Variants in SCEL observed in about 807,000 individuals in gnomAD.
SCEL encodes sciellin.
In SCEL, 113 loss-of-function variants were observed where a neutral mutation model predicts 117.6. The ratio of observed to expected loss-of-function variants is 0.96; its 90% confidence interval spans 0.83 to 1.12. SCEL has a LOEUF of 1.12. Among genes scored for constraint, SCEL ranks in the 50% most tolerant of loss-of-function variants. The pLI, the probability that SCEL is intolerant of heterozygous loss-of-function variation, is 0.00. For missense variants in SCEL, 785 were observed against 810.8 expected (o/e 0.97, Z 0.39); for synonymous variants, 270 against 256.2 (o/e 1.05, Z -0.51).
chr13:77,607,047 T>G (rs1158679692), intron 19 of SCEL, among the ~76,000 whole-genome samples: 4 of 152,162 alleles, frequency 2.6e-5, no homozygotes, highest in Non-Finnish European at 5.9e-5. Flanking sequence ...TTATTTTATT[T>G]TATTTATTTC....
intron 27 of SCEL, among the ~76,000 whole-genome samples, chr13:77,622,160 A>G (rs754481668): frequency 2.0e-5 from 3 of 152,218 alleles, no homozygotes; most frequent in Non-Finnish European, 4.4e-5. Flanking sequence ...CCTGGCGTAA[A>G]AGGAATACCA....
Position 77,608,116 on chromosome 13 carries a change from G to T in SCEL, c.1217+1G>T. On this transcript the variant is annotated splice_donor_variant, in intron 20 of 32. Transcript: ENST00000349847. LOFTEE classifies it high-confidence loss of function. ...CTGAAGTAAAGAGAAGTAACCAAGG[G>T]TGAGGACTATGTCTTACCTCTCTTC... The T allele has an allele frequency of 6.2e-7, 1 of 1,609,786 alleles. No individual in the cohort carries two copies. Among genetic ancestry groups the T allele is most frequent in the Non-Finnish European group, 8.5e-7 (1 of 1,176,578 alleles).
At chr13:77,595,924 A>G (rs2087200068) in intron 12 of SCEL, among the ~76,000 whole-genome samples, 1 of 152,228 alleles carries the variant, frequency 6.6e-6, no homozygotes, top group Admixed American at 6.5e-5. Context: ...TTCTTGCTAT[A>G]GTGTCATCGT....
chr13:77,637,603 C>T (rs1041008179), intron 30 of SCEL, among the ~76,000 whole-genome samples: 1 of 152,034 alleles, frequency 6.6e-6, no homozygotes, highest in Non-Finnish European at 1.5e-5. Flanking sequence ...AAAGACCTTT[C>T]TGTGCCTTAC....
Position 77,612,456 on chromosome 13 carries a change from CTTTTTTTTTTTT to C in SCEL, c.1338-417_1338-406del, listed in dbSNP as rs71102764. On this transcript the variant is annotated intron_variant, in intron 22 of 32. Transcript: ENST00000349847. ...CAGAAAATAACTGCTTTTTTCTTTT[CTTTTTTTTTTTT>C]TTTTTTTTTTTTTTTTTACAAATTA... 1.9e-4 allele frequency among the ~76,000 whole-genome samples: 18 copies of C among 93,600 alleles called. 1 individual carries two copies. Among genetic ancestry groups the C allele is most frequent in the South Asian group, 1.3e-3 (3 of 2,362 alleles). The allele number at this position is 93,600 out of a possible 152,430, so 61.4% of individuals were successfully genotyped here.
intron 27 of SCEL, among the ~76,000 whole-genome samples, chr13:77,624,416 TC>T (rs1833457466): frequency 6.6e-6 from 1 of 152,158 alleles, no homozygotes; most frequent in African/African-American, 2.4e-5. Flanking sequence ...AAAACTGTCT[TC>T]ACTTTATGTC....
intron 1 of SCEL, among the ~76,000 whole-genome samples, chr13:77,536,381 ATCACCATTTC>A (rs2083423813): frequency 6.6e-6 from 1 of 152,128 alleles, no homozygotes; most frequent in Non-Finnish European, 1.5e-5. Flanking sequence ...AAATAAGAAA[ATCACCATTTC>A]TCACTTGAAA....
At chr13:77,564,603 A>G (rs1465859449) in intron 5 of SCEL, among the ~76,000 whole-genome samples, 1 of 152,210 alleles carries the variant, frequency 6.6e-6, no homozygotes, top group Admixed American at 6.5e-5. Context: ...AGCATCTTTA[A>G]TAGGAGTCTT....
chr13:77,566,088 A>T (rs1224747544), intron 5 of SCEL, among the ~76,000 whole-genome samples: 1 of 152,210 alleles, frequency 6.6e-6, no homozygotes. Context: ...TCTCTCCATT[A>T]CCATTGATAG....
chr13:77,642,781 T>C lies in SCEL; in HGVS notation c.2023T>C (p.Cys675Arg), dbSNP rs1411720150. The change falls in exon 32 of 33, where the codon TGT (cysteine) becomes CGT (arginine). Residue 675 changes from cysteine (C) to arginine (R), a missense_variant. Cys to Arg is a radical substitution (Grantham distance 180, BLOSUM62 -3). Transcript: ENST00000349847. ...TTGGATTTATAGACAGACAATACACTGTGAACCTTGCTACTCTAAAATTAT... is the reference window on the plus strand; with the variant it reads ...TTGGATTTATAGACAGACAATACACCGTGAACCTTGCTACTCTAAAATTAT... The part of the protein sequence containing the change: ...SIWIYRQTIH[C>R]EPCYSKIMAK... 1.3e-6 allele frequency: 2 copies of C among 1,599,988 alleles called. No individual in the cohort carries two copies. The highest frequency in any genetic ancestry group is 2.7e-5 in the African/African-American group (2 of 74,538).
At chr13:77,605,936 G>A (rs1480732222) in intron 19 of SCEL, among the ~76,000 whole-genome samples, 1 of 152,126 alleles carries the variant, frequency 6.6e-6, no homozygotes, top group Non-Finnish European at 1.5e-5. Flanking sequence ...GCAGTGAGCC[G>A]AGATGGTGCC....
chr13:77,618,743 C>A (rs9544555), intron 27 of SCEL, among the ~76,000 whole-genome samples: 142,116 of 152,246 alleles, frequency 0.93, 66,390 homozygotes, highest in South Asian at 0.96. Context: ...AAATGAAAGA[C>A]ATGAATACAA....
intron 10 of SCEL, 104 bp downstream of exon 10, chr13:77,589,328 C>T (rs980945510): frequency 5.3e-6 from 4 of 749,084 alleles, no homozygotes; most frequent in Non-Finnish European, 8.8e-6. Context: ...GTTTTGTGTG[C>T]ACATTCCCTA....
chr13:77,612,119 A>G (rs2088680710), intron 22 of SCEL, among the ~76,000 whole-genome samples: 1 of 152,182 alleles, frequency 6.6e-6, no homozygotes, highest in Non-Finnish European at 1.5e-5. Flanking sequence ...AAGATTAGTT[A>G]AAAGTCTTTC....
Position 77,557,631 on chromosome 13 carries a change from G to A in SCEL, c.161+918G>A, listed in dbSNP as rs146972399. On this transcript the variant is annotated intron_variant, in intron 3 of 32. Transcript: ENST00000349847. ...ATGGCCCATTGTTTTTCCATTACAC[G>A]AATGTTTCTCAACCAGGGGCAATTT... 4.4e-3 allele frequency among the ~76,000 whole-genome samples: 663 copies of A among 152,266 alleles called. 2 individuals carry two copies. The highest frequency in any genetic ancestry group is 8.4e-3 in the African/African-American group (348 of 41,530).
chr13:77,628,437 T>C (rs1424936709), intron 28 of SCEL, among the ~76,000 whole-genome samples: 1 of 152,024 alleles, frequency 6.6e-6, no homozygotes, highest in Non-Finnish European at 1.5e-5. Flanking sequence ...GCTAAAAGAA[T>C]GCATGAATTT....
At chr13:77,593,295 T>TGTGTGTGTGCGCGC (rs796907419) in intron 11 of SCEL, among the ~76,000 whole-genome samples, 4,175 of 136,756 alleles carry the variant, frequency 0.031, 116 homozygotes, top group Non-Finnish European at 0.042. Flanking sequence ...TGTGTGTGTG[T>TGTGTGTGTGCGCGC]GTCTGTGTGT....
chr13:77,546,568 A>G (rs2083999387), intron 1 of SCEL, among the ~76,000 whole-genome samples: 1 of 152,154 alleles, frequency 6.6e-6, no homozygotes, highest in East Asian at 1.9e-4. Context: ...TGTTTTGTTG[A>G]TAAAAGAATC....
In SCEL at chr13:77,593,298, C is replaced by CGCGCGCGCG. The variant is rs1195863187; in HGVS notation, c.693-216_693-215insGCGCGCGCG. 7.9e-3 allele frequency among the ~76,000 whole-genome samples: 581 copies of CGCGCGCGCG among 73,734 alleles called. 5 individuals carry two copies. The highest frequency in any genetic ancestry group is 0.036 in the South Asian group (61 of 1,716). The allele number at this position is 73,734 out of a possible 152,430, so 48.4% of individuals were successfully genotyped here. A position where few individuals can be genotyped will look rare whatever the true frequency, so the allele number is the denominator to read the frequency against. On this transcript the variant is annotated intron_variant, in intron 11 of 32. Coordinates refer to ENST00000349847, the MANE Select transcript of SCEL (RefSeq NM_144777.3). Reference sequence around the variant, plus strand: ...TGTGTGTGTGTGTGTGTGTGTGTGTCTGTGTGTGTGTGTGTGTGTGTCAGT... The same window carrying CGCGCGCGCG: ...TGTGTGTGTGTGTGTGTGTGTGTGTCGCGCGCGCGTGTGTGTGTGTGTGTGTGTGTCAGT...
Sources: gnomAD v4.1 joint callset for allele counts (sites outside exome capture counted in the v4.1 genomes callset) on GRCh38, gnomAD v4.1.1 for gene constraint, MANE v1.5 for transcripts, NCBI Gene and HGNC (gene_info 2026-07-23, HGNC 2026-07-21) for gene names.